Variants in ATP8A1 observed in about 807,000 individuals in gnomAD.
ATP8A1 encodes phospholipid-transporting ATPase IA.
A neutral mutation model predicts 177.7 loss-of-function variants in ATP8A1; 90 were observed. The observed-to-expected ratio is 0.51, with a 90% CI of 0.43 to 0.60. The LOEUF is 0.60. Ranked by LOEUF, ATP8A1 falls within the 20% of genes least tolerant of loss-of-function variation. ATP8A1 has a pLI of 0.00. For synonymous variants in ATP8A1, 493 were observed against 485.9 expected (o/e 1.01, Z -0.19); for missense variants, 1,072 against 1,392.8 (o/e 0.77, Z 3.67).
chr4:42,422,091 ATAC>A (rs1270546672), intron 35 of ATP8A1, among the ~76,000 whole-genome samples: 2 of 152,068 alleles, frequency 1.3e-5, no homozygotes, highest in African/African-American at 4.8e-5. Context: ...TTTTGATTAC[ATAC>A]TATTTTTTTT....
In ATP8A1 at chr4:42,491,040, C is replaced by T. The variant is rs574537279; in HGVS notation, c.2152-5372G>A. Among the ~76,000 whole-genome samples the T allele has an allele frequency of 2.6e-5, 4 of 151,966 alleles. No individual in the cohort carries two copies. The South Asian group carries it at 8.3e-4, about 32-fold the overall frequency. ...CCATTTTAAGGATTGTTGTCTGCTG[C>T]CTGTAAAACTCCTGTATACTCTTAA... On this transcript the variant is annotated intron_variant, in intron 24 of 36. Coordinates refer to ENST00000381668, the MANE Select transcript of ATP8A1 (RefSeq NM_006095.2).
chr4:42,442,130 ACCTATTGG>A (rs1282448217), intron 33 of ATP8A1, among the ~76,000 whole-genome samples: 3 of 152,136 alleles, frequency 2.0e-5, no homozygotes, highest in African/African-American at 7.2e-5. Flanking sequence ...TTGTCATCAA[ACCTATTGG>A]CCACACTTGC....
At chr4:42,656,686 C>T (rs895056380) in intron 1 of ATP8A1, 139 bp downstream of exon 1, 3 of 1,002,248 alleles carry the variant, frequency 3.0e-6, no homozygotes, top group Admixed American at 3.0e-5. Context: ...GGGGAAGGGT[C>T]CCCTAGGGGC....
chr4:42,422,691 A>T, intron 35 of ATP8A1, 116 bp downstream of exon 35: 1 of 782,206 alleles, frequency 1.3e-6, no homozygotes, highest in Non-Finnish European at 2.0e-6. Context: ...CAAACCTGCC[A>T]ATGACACTGC....
chr4:42,613,869 C>G (rs1181494518), intron 5 of ATP8A1, among the ~76,000 whole-genome samples: 1 of 149,346 alleles, frequency 6.7e-6, no homozygotes, highest in African/African-American at 2.4e-5. Flanking sequence ...CAGGCATGAG[C>G]CGCCCCGCCT....
chr4:42,498,468 T>A (rs1723500621), intron 24 of ATP8A1, among the ~76,000 whole-genome samples: 1 of 152,200 alleles, frequency 6.6e-6, no homozygotes, highest in Admixed American at 6.5e-5. Context: ...AAAATATATA[T>A]TCTAATGCTT....
intron 15 of ATP8A1, among the ~76,000 whole-genome samples, chr4:42,558,591 G>C (rs1577585498): frequency 6.6e-6 from 1 of 152,114 alleles, no homozygotes; most frequent in African/African-American, 2.4e-5. Context: ...AATCAGTATA[G>C]TTGTCCTTGC....
At chr4:42,632,178 G>T (rs983637570) in intron 1 of ATP8A1, among the ~76,000 whole-genome samples, 8 of 152,116 alleles carry the variant, frequency 5.3e-5, no homozygotes, top group African/African-American at 1.9e-4. Flanking sequence ...AGCAGCTTCT[G>T]GGAAATCTTA....
intron 27 of ATP8A1, 74 bp from the exon 28 acceptor site, chr4:42,455,673 C>A: frequency 1.5e-6 from 2 of 1,324,108 alleles, no homozygotes; most frequent in Admixed American, 2.1e-5. Flanking sequence ...CTGTTGTATA[C>A]TCAACTGCTG....
At chr4:42,450,449 C>T (rs140500829) in intron 30 of ATP8A1, among the ~76,000 whole-genome samples, 56 of 152,252 alleles carry the variant, frequency 3.7e-4, no homozygotes, top group African/African-American at 1.2e-3. Flanking sequence ...CTGAATTGTA[C>T]ACTTTAAAAG....
intron 33 of ATP8A1, among the ~76,000 whole-genome samples, chr4:42,441,466 C>T (rs1469866767): frequency 1.3e-5 from 2 of 152,074 alleles, no homozygotes; most frequent in African/African-American, 2.4e-5. Context: ...TGTAATGTAA[C>T]ATAACTAGTG....
intron 15 of ATP8A1, among the ~76,000 whole-genome samples, chr4:42,557,290 G>GA (rs1421674165): frequency 1.1e-4 from 17 of 151,956 alleles, no homozygotes; most frequent in East Asian, 3.9e-4. Context: ...AAGATGGAAG[G>GA]AAAAAAATCT....
At chr4:42,434,262 A>G (rs1426782273) in intron 33 of ATP8A1, among the ~76,000 whole-genome samples, 1 of 152,190 alleles carries the variant, frequency 6.6e-6, no homozygotes, top group Non-Finnish European at 1.5e-5. Flanking sequence ...AGGGTATGAT[A>G]TCTCAGTGTT....
intron 27 of ATP8A1, among the ~76,000 whole-genome samples, chr4:42,460,004 G>T (rs1718923853): frequency 6.6e-6 from 1 of 152,088 alleles, no homozygotes; most frequent in Non-Finnish European, 1.5e-5. Flanking sequence ...TGTTAGCCAG[G>T]ATGGTCTCGA....
chr4:42,580,343 C>T (rs1476233194), intron 10 of ATP8A1, among the ~76,000 whole-genome samples: 1 of 152,186 alleles, frequency 6.6e-6, no homozygotes, highest in African/African-American at 2.4e-5. Flanking sequence ...TTCAGGAAGA[C>T]AGGCAGACAA....
intron 14 of ATP8A1, among the ~76,000 whole-genome samples, chr4:42,573,789 A>G (rs1732145118): frequency 6.6e-6 from 1 of 152,164 alleles, no homozygotes; most frequent in Non-Finnish European, 1.5e-5. Context: ...AGTGGGGAAG[A>G]GTGGGTGCAA....
At chr4:42,499,936 G>A (rs1307420957) in intron 24 of ATP8A1, among the ~76,000 whole-genome samples, 7 of 152,206 alleles carry the variant, frequency 4.6e-5, no homozygotes, top group African/African-American at 1.7e-4. Flanking sequence ...AGATGCAAAA[G>A]TATCACTAGG....
intron 1 of ATP8A1, among the ~76,000 whole-genome samples, chr4:42,633,274 A>G (rs1738935815): frequency 6.6e-6 from 1 of 152,232 alleles, no homozygotes; most frequent in Non-Finnish European, 1.5e-5. Context: ...TCACATGCTT[A>G]TATGCACACA....
At chr4:42,628,420 G>A (rs957421753) in intron 1 of ATP8A1, among the ~76,000 whole-genome samples, 28 of 152,112 alleles carry the variant, frequency 1.8e-4, no homozygotes, top group African/African-American at 2.9e-4. Context: ...GACAGAAGGC[G>A]GACGAGAAAC....
Sources: allele counts gnomAD v4.1 joint callset (sites outside exome capture counted in the v4.1 genomes callset), GRCh38; gene constraint gnomAD v4.1.1; transcripts MANE v1.5; gene names NCBI Gene and HGNC (gene_info 2026-07-23, HGNC 2026-07-21).